PAX8: variants seen among roughly 807,000 people sequenced by gnomAD.
The protein encoded by PAX8 is paired box protein Pax-8.
Under a neutral mutation model 52.4 loss-of-function variants are expected in PAX8, and 15 were observed. The observed-to-expected ratio is 0.29, with a 90% CI of 0.19 to 0.44. The LOEUF (loss-of-function observed/expected upper bound fraction) is 0.44, where lower values mean the gene tolerates loss of function less well. Among genes scored for constraint, PAX8 ranks in the 20% least tolerant of loss-of-function variants. The pLI is 1.00. For synonymous variants in PAX8, 284 were observed against 249.7 expected (o/e 1.14, Z -1.29); for missense variants, 554 against 602.5 (o/e 0.92, Z 0.84).
At chr2:113,264,824 G>A (rs1692941230) in intron 2 of PAX8, among the ~76,000 whole-genome samples, 1 of 152,196 alleles carries the variant, frequency 6.6e-6, no homozygotes, top group African/African-American at 2.4e-5. Context: ...AAGGGAGTGG[G>A]AGTGGGAAGG....
At chr2:113,250,033 C>T (rs933700048) in intron 2 of PAX8, among the ~76,000 whole-genome samples, 7 of 151,694 alleles carry the variant, frequency 4.6e-5, no homozygotes, top group African/African-American at 1.5e-4. Context: ...TTTGGGAGGC[C>T]GAGGTGGGTG....
chr2:113,226,473 T>C (rs1689577031), intron 10 of PAX8: 1 of 989,158 alleles, frequency 1.0e-6, no homozygotes, highest in African/African-American at 1.7e-5. Flanking sequence ...TGAATCATCA[T>C]TGGATGATGA....
At chr2:113,271,112 GGGA>G (rs1367338574) in intron 2 of PAX8, 1 of 152,260 alleles carries the variant, frequency 6.6e-6, no homozygotes, top group African/African-American at 2.4e-5. Context: ...AGTGGCAGAG[GGGA>G]TGAACCTAAG....
chr2:113,259,634 T>A (rs1234161081), intron 2 of PAX8: 1 of 152,622 alleles, frequency 6.6e-6, no homozygotes, highest in East Asian at 1.9e-4. Flanking sequence ...TCTGTATTTT[T>A]AAAAATCTCC....
At chr2:113,244,278 G>A (rs1691126512) in intron 4 of PAX8, 149 bp downstream of exon 4, 1 of 730,026 alleles carries the variant, frequency 1.4e-6, no homozygotes, top group Admixed American at 1.9e-5. Context: ...ATATCTGCCT[G>A]GAGCCAGGTG....
intron 2 of PAX8, among the ~76,000 whole-genome samples, chr2:113,256,871 G>C (rs1012901243): frequency 6.6e-6 from 1 of 152,040 alleles, no homozygotes; most frequent in Non-Finnish European, 1.5e-5. Flanking sequence ...AGTGTGCCAA[G>C]TGATCTAAAT....
chr2:113,242,911 C>G, intron 4 of PAX8, 133 bp from the exon 5 acceptor site: 3 of 715,854 alleles, frequency 4.2e-6, no homozygotes, highest in South Asian at 2.9e-5. Flanking sequence ...TGTCCACAGT[C>G]AAGTCTGTGA....
In PAX8 at chr2:113,227,141, G is replaced by C. The variant is rs575955882; in HGVS notation, c.1189+14C>G. On this transcript the variant is annotated intron_variant, in intron 10 of 11. Transcript: ENST00000429538. ...TCTTTGCAGTGCTCCCCTTCCTGCC[G>C]GCCCTCTCCTTACCTGCCACCATGC... 1 of 1,575,910 alleles carries C rather than the reference G, an allele frequency of 6.3e-7. No individual in the cohort carries two copies. The highest frequency in any genetic ancestry group is 1.2e-5 in the South Asian group (1 of 86,456).
chr2:113,262,050 G>A (rs566217720), intron 2 of PAX8, among the ~76,000 whole-genome samples: 1 of 152,200 alleles, frequency 6.6e-6, no homozygotes, highest in Non-Finnish European at 1.5e-5. Flanking sequence ...AGCTAGTCTC[G>A]AACTCCCAAC....
chr2:113,277,767 G>T (rs1356375160), intron 2 of PAX8, among the ~76,000 whole-genome samples: 1 of 152,162 alleles, frequency 6.6e-6, no homozygotes. Flanking sequence ...TTTTGACTCC[G>T]CGAGCGGCTT....
At chr2:113,225,928 T>C in intron 10 of PAX8, 1 of 720,358 alleles carries the variant, frequency 1.4e-6, no homozygotes, top group Non-Finnish European at 1.7e-6. Flanking sequence ...CAATCTCATT[T>C]CACGCTCCAG....
Position 113,235,453 on chromosome 2 carries a change from T to C in PAX8, c.1028A>G (p.Asn343Ser), listed in dbSNP as rs374652916. Residue 343 changes from asparagine (N) to serine (S), a missense_variant, in exon 9 of 12, where the codon AAT (asparagine) becomes AGT (serine). Asn to Ser is a conservative substitution (Grantham distance 46). Coordinates refer to ENST00000429538, the MANE Select transcript of PAX8 (RefSeq NM_003466.4). Reference protein sequence around the residue: ...QQVGSGVPPFNAFPHAASVYG... With the variant: ...QQVGSGVPPFSAFPHAASVYG... ...CACGGAGGCAGCATGGGGAAAGGCATTGAAGGGCGGGACCCCGGAGCCGAC... is the reference window on the plus strand; with the variant it reads ...CACGGAGGCAGCATGGGGAAAGGCACTGAAGGGCGGGACCCCGGAGCCGAC... 82 of 1,610,832 alleles carry C rather than the reference T, an allele frequency of 5.1e-5. No individual in the cohort carries two copies. The highest frequency in any genetic ancestry group is 3.8e-4 in the East Asian group (17 of 44,802).
chr2:113,226,887 G>T, intron 10 of PAX8: 1 of 1,361,562 alleles, frequency 7.3e-7, no homozygotes, highest in East Asian at 3.1e-5. Context: ...ACACAGACCT[G>T]TCTCAGCCCC....
At chr2:113,253,103 G>A (rs1460463349) in intron 2 of PAX8, among the ~76,000 whole-genome samples, 1 of 152,216 alleles carries the variant, frequency 6.6e-6, no homozygotes, top group African/African-American at 2.4e-5. Flanking sequence ...CTCTTGAAGA[G>A]ATTTTAGTGA....
chr2:113,267,557 T>C (rs1693173662), intron 2 of PAX8: 1 of 152,214 alleles, frequency 6.6e-6, no homozygotes, highest in South Asian at 2.1e-4. Context: ...AGGTCACATG[T>C]CAGTGACCTC....
At chr2:113,263,531 A>G (rs1475928952) in intron 2 of PAX8, 1 of 152,290 alleles carries the variant, frequency 6.6e-6, no homozygotes, top group Non-Finnish European at 1.5e-5. Flanking sequence ...TTTCACAACA[A>G]TCCCATGAGG....
intron 2 of PAX8, chr2:113,276,205 G>A (rs754930360): frequency 5.9e-5 from 9 of 152,262 alleles, no homozygotes; most frequent in Non-Finnish European, 8.8e-5. Flanking sequence ...AGACAACAGT[G>A]TCAGGTAAGC....
intron 2 of PAX8, among the ~76,000 whole-genome samples, chr2:113,252,608 G>C (rs1431267165): frequency 6.6e-6 from 1 of 152,166 alleles, no homozygotes; most frequent in East Asian, 1.9e-4. Flanking sequence ...TGCATCTGCT[G>C]TTACCCCCAA....
intron 9 of PAX8, among the ~76,000 whole-genome samples, chr2:113,234,274 C>T (rs1317382054): frequency 3.9e-5 from 6 of 152,356 alleles, no homozygotes; most frequent in East Asian, 1.9e-4. Flanking sequence ...CCAAGCCAAG[C>T]GCTTGACTCT....
Sources: gnomAD v4.1 joint callset for allele counts (sites outside exome capture counted in the v4.1 genomes callset) on GRCh38, gnomAD v4.1.1 for gene constraint, MANE v1.5 for transcripts, NCBI Gene and HGNC (gene_info 2026-07-23, HGNC 2026-07-21) for gene names.